Variants in TRPM3 observed in about 807,000 individuals in gnomAD.
TRPM3 encodes transient receptor potential cation channel subfamily M member 3.
Under a neutral mutation model 181.2 loss-of-function variants are expected in TRPM3, and 77 were observed. The observed-to-expected ratio is 0.42, with a 90% confidence interval of 0.35 to 0.51. The LOEUF (loss-of-function observed/expected upper bound fraction) is 0.51, where lower values mean the gene tolerates loss of function less well. TRPM3 is among the 20% of genes least tolerant of loss of function. The pLI is 0.01. For missense variants in TRPM3, 1,759 were observed against 2,196.7 expected (o/e 0.80, Z 3.98); for synonymous variants, 745 against 796.4 (o/e 0.94, Z 1.09).
intron 1 of TRPM3, among the ~76,000 whole-genome samples, chr9:71,374,631 C>T (rs1338925268): frequency 1.3e-5 from 2 of 152,084 alleles, no homozygotes; most frequent in African/African-American, 4.8e-5. Flanking sequence ...AAAGGGTGTT[C>T]AAGTAGGAAA....
intron 1 of TRPM3, among the ~76,000 whole-genome samples, chr9:71,377,534 C>T (rs1286833422): frequency 6.6e-6 from 1 of 152,090 alleles, no homozygotes; most frequent in Non-Finnish European, 1.5e-5. Flanking sequence ...AGCAAATCAC[C>T]ATGCCCACCT....
chr9:70,945,851 G>C (rs2096927280), intron 1 of TRPM3, among the ~76,000 whole-genome samples: 1 of 152,136 alleles, frequency 6.6e-6, no homozygotes, highest in East Asian at 1.9e-4. Context: ...CTGGCTGTGG[G>C]GAGAGAAGGG....
At chr9:70,823,676 T>C (rs528955543) in intron 6 of TRPM3, among the ~76,000 whole-genome samples, 1 of 119,172 alleles carries the variant, frequency 8.4e-6, no homozygotes, top group South Asian at 2.6e-4. Context: ...TTTTCTTACT[T>C]ATTACTATGG....
chr9:70,668,210 T>C (rs983940686), intron 9 of TRPM3, among the ~76,000 whole-genome samples: 2 of 152,274 alleles, frequency 1.3e-5, no homozygotes, highest in Admixed American at 6.5e-5. Context: ...TCAGACAAAC[T>C]GGGTTCACGT....
chr9:70,864,848 T>A (rs563078725), intron 1 of TRPM3, among the ~76,000 whole-genome samples: 2 of 152,080 alleles, frequency 1.3e-5, no homozygotes, highest in African/African-American at 4.8e-5. Context: ...TAGAATAGTA[T>A]GTTTGTAACC....
intron 22 of TRPM3, among the ~76,000 whole-genome samples, chr9:70,557,920 A>T (rs531706972): frequency 2.0e-5 from 3 of 152,066 alleles, no homozygotes; most frequent in African/African-American, 7.2e-5. Context: ...ATATTTCCCC[A>T]TCCTAGTTTC....
At chr9:70,594,473 C>T (rs10117808) in intron 21 of TRPM3, among the ~76,000 whole-genome samples, 2,955 of 152,200 alleles carry the variant, frequency 0.019, 94 homozygotes, top group African/African-American at 0.066. Context: ...TGGCACACAG[C>T]AAATGATAGC....
intron 24 of TRPM3, among the ~76,000 whole-genome samples, 194 bp from the exon 25 acceptor site, chr9:70,549,868 T>C (rs1179715148): frequency 6.6e-6 from 1 of 152,156 alleles, no homozygotes; most frequent in Non-Finnish European, 1.5e-5. Flanking sequence ...ATGAAATTTA[T>C]TATGGGTCTC....
chr9:71,329,119 T>C (rs559973087), intron 1 of TRPM3, among the ~76,000 whole-genome samples: 62 of 152,362 alleles, frequency 4.1e-4, no homozygotes, highest in Non-Finnish European at 1.5e-4. Context: ...CTAACACTAC[T>C]GAATGTTACC....
chr9:70,904,646 C>T (rs973782816), intron 1 of TRPM3, among the ~76,000 whole-genome samples: 6 of 152,182 alleles, frequency 3.9e-5, no homozygotes, highest in African/African-American at 1.4e-4. Context: ...CAAAATGACA[C>T]AGTCCTCAAG....
Position 71,121,261 on chromosome 9 carries a change from G to A in TRPM3, c.94C>T (p.Gln32Ter). ...SWWNLEGVMN[Q>*]ADAPRPLNWT... Reference sequence around the variant, plus strand: ...TTTAGGGGTCGAGGAGCATCAGCCTGATTCATGACCCCTTCCAAATTCCAC... The same window carrying A: ...TTTAGGGGTCGAGGAGCATCAGCCTAATTCATGACCCCTTCCAAATTCCAC... The change falls in exon 1 of 26, where the codon CAG (glutamine) becomes TAG (stop). Residue 32 changes from glutamine to a stop codon, truncating the protein, a stop_gained. Transcript: ENST00000677713. LOFTEE classifies it high-confidence loss of function. The A allele has an allele frequency of 1.9e-6, 3 of 1,614,166 alleles. No individual in the cohort carries two copies. Among genetic ancestry groups the A allele is most frequent in the Non-Finnish European group, 2.5e-6 (3 of 1,180,016 alleles).
rs779530322 is a variant in TRPM3 at position 71,354,961 on chromosome 9, A to G, written c.183+91692T>C. Among the ~76,000 whole-genome samples the G allele has an allele frequency of 3.3e-5, 5 of 152,232 alleles. No individual in the cohort carries two copies. The East Asian group carries it at 9.6e-4, about 29-fold the overall frequency. ...GTTATTCAAACATTCTTAACACGTA[A>G]ATTATTTGTTTTACATCTATAGTCA... On this transcript the variant is annotated intron_variant, in intron 1 of 24. Coordinates refer to the TRPM3 transcript ENST00000357533.
chr9:70,683,115 T>C (rs2065873034), intron 8 of TRPM3, among the ~76,000 whole-genome samples: 1 of 152,186 alleles, frequency 6.6e-6, no homozygotes, highest in East Asian at 1.9e-4. Context: ...AAGAATAAGA[T>C]AATACGAACA....
At position 70,786,311 on chromosome 9, in the gene TRPM3, C is replaced by CAAAAAAAAAAAAAAAAAAAAAAA. The variant is rs71367227; in HGVS notation, c.974-2055_974-2033dup. ...GAAACCCTGTCACTACTAAAAATAC[C>CAAAAAAAAAAAAAAAAAAAAAAA]AAAAAAAAAAAAAAAAAAAAAAAAT... On this transcript the variant is annotated intron_variant, in intron 6 of 25. Coordinates refer to ENST00000677713, the MANE Select transcript of TRPM3 (RefSeq NM_001366145.2). Among the ~76,000 whole-genome samples the CAAAAAAAAAAAAAAAAAAAAAAA allele has an allele frequency of 1.5e-3, 84 of 54,432 alleles. 2 individuals are homozygous for CAAAAAAAAAAAAAAAAAAAAAAA. Among genetic ancestry groups the CAAAAAAAAAAAAAAAAAAAAAAA allele is most frequent in the Non-Finnish European group, 1.9e-3 (54 of 29,110 alleles). The allele number at this position is 54,432 out of a possible 152,430, so 35.7% of individuals were successfully genotyped here.
At chr9:70,985,021 A>T (rs2097404913) in intron 1 of TRPM3, among the ~76,000 whole-genome samples, 1 of 152,244 alleles carries the variant, frequency 6.6e-6, no homozygotes, top group Admixed American at 6.5e-5. Context: ...TGTGAACAAT[A>T]ACCAGCAGAT....
At chr9:70,699,401 G>A (rs999757725) in intron 8 of TRPM3, among the ~76,000 whole-genome samples, 3 of 152,136 alleles carry the variant, frequency 2.0e-5, no homozygotes, top group Non-Finnish European at 4.4e-5. Flanking sequence ...GAGAAAATAA[G>A]AGAAAAGTGA....
At chr9:71,378,658 G>A (rs951040877) in intron 1 of TRPM3, among the ~76,000 whole-genome samples, 14 of 151,948 alleles carry the variant, frequency 9.2e-5, no homozygotes, top group African/African-American at 3.4e-4. Context: ...TTTGGAAACC[G>A]GAGAGTGTTT....
intron 1 of TRPM3, among the ~76,000 whole-genome samples, chr9:70,887,676 C>T (rs1224482000): frequency 6.6e-6 from 1 of 152,012 alleles, no homozygotes; most frequent in Non-Finnish European, 1.5e-5. Flanking sequence ...TGAGGCAGCC[C>T]ATACAAATCT....
intron 7 of TRPM3, among the ~76,000 whole-genome samples, chr9:70,783,473 G>C (rs554410482): frequency 6.6e-6 from 1 of 152,238 alleles, no homozygotes; most frequent in African/African-American, 2.4e-5. Context: ...TGCTGTGAAG[G>C]GGGAATCTTT....
Sources: allele counts gnomAD v4.1 joint callset (sites outside exome capture counted in the v4.1 genomes callset), GRCh38; gene constraint gnomAD v4.1.1; transcripts MANE v1.5; gene names NCBI Gene and HGNC (gene_info 2026-07-23, HGNC 2026-07-21).